Variants in HERC1 observed in about 807,000 individuals in gnomAD.
HERC1 encodes probable E3 ubiquitin-protein ligase HERC1.
HERC1 carries 160 observed loss-of-function variants against 554.3 expected under a neutral mutation model. That is an observed-to-expected ratio of 0.29 (90% confidence interval 0.25 to 0.33). The LOEUF (loss-of-function observed/expected upper bound fraction) is 0.33. HERC1 is among the 10% of genes least tolerant of loss of function. The probability of loss-of-function intolerance (pLI) is 1.00; values close to 1 mark genes in which losing one functional copy is unlikely to be tolerated. For missense variants in HERC1, 4,919 were observed against 5,918.5 expected (o/e 0.83, Z 5.54); for synonymous variants, 2,175 against 2,131.7 (o/e 1.02, Z -0.56).
Position 63,640,386 on chromosome 15 carries a change from G to A in HERC1, c.11667C>T (p.Ser3889=), listed in dbSNP as rs1009837145. 6.2e-7 allele frequency: 1 copy of A among 1,613,810 alleles called. No individual in the cohort carries two copies. The highest frequency in any genetic ancestry group is 1.3e-5 in the African/African-American group (1 of 75,008). The stretch of plus-strand genomic sequence containing the variant: ...GATCCAGATGAAGTCCCACAGCAAG[G>A]GAAGCCAAGCATTGCATATAGGGGC... The part of the protein sequence containing the change: ...VHSPYMQCLA[S]LAVGLHLDQL... The change falls in exon 61 of 78, where the codon TCC becomes TCT. Residue 3889 remains serine, a synonymous_variant. Coordinates refer to ENST00000443617, the MANE Select transcript of HERC1 (RefSeq NM_003922.4).
intron 12 of HERC1, among the ~76,000 whole-genome samples, chr15:63,744,164 G>GTGTGTGTCTCTCTCTCTC: frequency 4.3e-5 from 2 of 46,314 alleles, no homozygotes; most frequent in African/African-American, 6.7e-5. Flanking sequence ...GTGTGTGTGT[G>GTGTGTGTCTCTCTCTCTC]TCTCTCTCTC....
chr15:63,643,493 T>C lies in HERC1; in HGVS notation c.11242A>G (p.Thr3748Ala). The change falls in exon 58 of 78, where the codon ACT (threonine) becomes GCT (alanine). Residue 3748 changes from threonine to alanine, a missense_variant. Thr to Ala is a moderately conservative substitution (Grantham distance 58). This residue lies in a region of HERC1 where 1,963 missense variants were observed against 2,228.6 expected (regional missense o/e 0.88). Transcript: ENST00000443617. ...KCVYQLRGHI[T>A]PVRTVAFSSD... ...CTAAAGGCAACAGTCCGAACAGGAG[T>C]GATGTGTCCCCGCAGCTGATAAACA... 1 of 1,611,500 alleles carries C rather than the reference T, an allele frequency of 6.2e-7. No homozygotes were observed. The highest frequency in any genetic ancestry group is 1.1e-5 in the South Asian group (1 of 90,616).
Position 63,774,916 on chromosome 15 carries a change from A to G in HERC1, c.708T>C (p.Asn236=). Residue 236 remains asparagine, a synonymous_variant, in exon 2 of 78, where the codon AAT becomes AAC. Coordinates refer to ENST00000443617, the MANE Select transcript of HERC1 (RefSeq NM_003922.4). ...TTFLKGVTIP[N]SGADTLGRRL... ...TACGACCTAAAGTGTCTGCCCCAGA[A>G]TTAGGAATAGTGACTCCTTTAAGAA... is the stretch of plus-strand genomic sequence containing the variant. 1 of 1,614,060 alleles carries G rather than the reference A, an allele frequency of 6.2e-7. No homozygotes were observed. Among genetic ancestry groups the G allele is most frequent in the Non-Finnish European group, 8.5e-7 (1 of 1,179,886 alleles).
At chr15:63,729,835 C>A (rs970211559) in intron 14 of HERC1, among the ~76,000 whole-genome samples, 186 bp from the exon 15 acceptor site, 2 of 151,660 alleles carry the variant, frequency 1.3e-5, no homozygotes, top group Admixed American at 6.6e-5. Context: ...CCAGCCTGGC[C>A]AACATGGTGA....
rs1364746698 is a variant in HERC1, at chr15:63,612,034, A to C, written c.14400+217T>G. On this transcript the variant is annotated intron_variant, in intron 77 of 77. Coordinates refer to ENST00000443617, the MANE Select transcript of HERC1 (RefSeq NM_003922.4). The surrounding 1 kb of genome is among the most constrained non-coding windows in gnomAD (Gnocchi z 5.0). The stretch of plus-strand genomic sequence containing the variant: ...TCCCCGTCTCTACCAAAATATACAA[A>C]AAAATTAGCCAGGCGTGGTGGCACG... Among the ~76,000 whole-genome samples the C allele has an allele frequency of 6.6e-6, 1 of 152,110 alleles. No individual in the cohort carries two copies. Among genetic ancestry groups the C allele is most frequent in the African/African-American group, 2.4e-5 (1 of 41,420 alleles).
At chr15:63,651,808 C>A (rs2152891788) in intron 52 of HERC1, among the ~76,000 whole-genome samples, 1 of 152,252 alleles carries the variant, frequency 6.6e-6, no homozygotes, top group East Asian at 1.9e-4. Context: ...GAGGCTGGGG[C>A]AGGCAGATCA....
chr15:63,802,677 A>G (rs2077029918), intron 1 of HERC1, among the ~76,000 whole-genome samples: 1 of 152,244 alleles, frequency 6.6e-6, no homozygotes, highest in Admixed American at 6.5e-5. Context: ...CACCAATGAA[A>G]AGAAAGGTTA....
At chr15:63,725,788 A>G (rs937665321) in intron 17 of HERC1, among the ~76,000 whole-genome samples, 5 of 152,180 alleles carry the variant, frequency 3.3e-5, no homozygotes, top group African/African-American at 1.2e-4. Flanking sequence ...ATTCCAATCA[A>G]TTATATTCCT....
intron 73 of HERC1, 139 bp downstream of exon 73, chr15:63,623,586 A>T: frequency 1.3e-6 from 1 of 798,154 alleles, no homozygotes; most frequent in Non-Finnish European, 2.0e-6. Context: ...CGTATCACTA[A>T]CAGCATCACT....
intron 50 of HERC1, among the ~76,000 whole-genome samples, chr15:63,654,971 G>T (rs2069940188): frequency 6.6e-6 from 1 of 152,168 alleles, no homozygotes; most frequent in Non-Finnish European, 1.5e-5. Context: ...GGATGGAGAT[G>T]GCATGCCTTT....
chr15:63,718,794 A>G lies in HERC1; in HGVS notation c.3846T>C (p.Cys1282=). 1 of 1,613,130 alleles carries G rather than the reference A, an allele frequency of 6.2e-7. No homozygotes were observed. The highest frequency in any genetic ancestry group is 8.5e-7 in the Non-Finnish European group (1 of 1,179,186). The change falls in exon 20 of 78, where the codon TGT becomes TGC. Residue 1282 remains cysteine, a synonymous_variant. Transcript: ENST00000443617. This position sits in a 1 kb window ranked among gnomAD's most constrained non-coding sequence, Gnocchi z 4.2. ...TTTAAGTTACTTGCCGGCTTTCTCC[A>G]CATGCTTGACTAAGTAAATTTGTGT... ...LKHTNLLSQA[C]GESRYQPGKH...
chr15:63,656,878 A>T (rs576751708), intron 48 of HERC1, among the ~76,000 whole-genome samples: 1 of 152,218 alleles, frequency 6.6e-6, no homozygotes, highest in East Asian at 1.9e-4. Flanking sequence ...ATCTTGTAGC[A>T]TTGAGCAGTT....
In HERC1 at chr15:63,612,357, G is replaced by T; in HGVS notation, c.14294C>A (p.Ser4765Tyr). The change falls in exon 77 of 78, where the codon TCC (serine) becomes TAC (tyrosine). Residue 4765 changes from serine (S) to tyrosine (Y), a missense_variant. This residue lies in a region of HERC1 where 284 missense variants were observed against 294.1 expected (regional missense o/e 0.97). Transcript: ENST00000443617. This position sits in a 1 kb window ranked among gnomAD's most constrained non-coding sequence, Gnocchi z 5.0. ...CATGAAAAGCACCCGCTCCTCATTG[G>T]AGAACTCTTCCAGCGTGTGCCAGAA... ...QWFWHTLEEFSNEERVLFMRF... is the reference protein window; with the variant it reads ...QWFWHTLEEFYNEERVLFMRF... The T allele has an allele frequency of 6.2e-7, 1 of 1,614,020 alleles. No homozygotes were observed. The highest frequency in any genetic ancestry group is 8.5e-7 in the Non-Finnish European group (1 of 1,179,896).
At chr15:63,830,287 T>C (rs79292693) in intron 1 of HERC1, among the ~76,000 whole-genome samples, 4,699 of 152,302 alleles carry the variant, frequency 0.031, 235 homozygotes, top group African/African-American at 0.11. Context: ...ATATGATGCA[T>C]TGAGAAGGAC....
chr15:63,683,853 T>C (rs2071608170), intron 34 of HERC1, among the ~76,000 whole-genome samples: 1 of 152,182 alleles, frequency 6.6e-6, no homozygotes, highest in South Asian at 2.1e-4. Flanking sequence ...AGCTGCTGGC[T>C]TGGAATCCTG....
chr15:63,654,166 C>A lies in HERC1; in HGVS notation c.10243G>T (p.Asp3415Tyr). The change falls in exon 51 of 78, where the codon GAT (aspartate) becomes TAT (tyrosine). Residue 3415 changes from aspartate to tyrosine, a missense_variant. Physicochemically the swap from Asp to Tyr is radical, Grantham distance 160. This residue lies in a region of HERC1 where 1,963 missense variants were observed against 2,228.6 expected (regional missense o/e 0.88). Transcript: ENST00000443617. ...TLQTLADMGG[D>Y]LRKCSFIKLE... ...TTGATAAAGGAGCATTTTCTAAGAT[C>A]TCCTCCCATATCAGCAAGTGTCTGC... 2 of 1,614,042 alleles carry A rather than the reference C, an allele frequency of 1.2e-6. No homozygotes were observed. Among genetic ancestry groups the A allele is most frequent in the Non-Finnish European group, 1.7e-6 (2 of 1,179,884 alleles).
At chr15:63,620,538 C>T (rs1330997777) in intron 74 of HERC1, among the ~76,000 whole-genome samples, 1 of 152,092 alleles carries the variant, frequency 6.6e-6, no homozygotes, top group Non-Finnish European at 1.5e-5. Flanking sequence ...AGTTCAATTC[C>T]TGGATATCCT....
rs376234542 is a variant in HERC1 at position 63,729,267 on chromosome 15, A to C, written c.3123T>G (p.Pro1041=). 2 of 1,606,298 alleles carry C rather than the reference A, an allele frequency of 1.2e-6. No individual in the cohort carries two copies. The highest frequency in any genetic ancestry group is 2.7e-5 in the African/African-American group (2 of 74,474). The change falls in exon 16 of 78, where the codon CCT becomes CCG. Residue 1041 remains proline, a synonymous_variant. Coordinates refer to ENST00000443617, the MANE Select transcript of HERC1 (RefSeq NM_003922.4). ...ATTTTTCTCCAACACTGCCATTCCA[A>C]GGACTTTCTTTGAGCAAATTTGCAG... ...SRSANLLKES[P]WNGSVGEKLR... is the part of the protein sequence containing the mutation.
At chr15:63,706,672 T>C in intron 25 of HERC1, 108 bp downstream of exon 25, 1 of 584,054 alleles carries the variant, frequency 1.7e-6, no homozygotes, top group East Asian at 3.0e-5. Flanking sequence ...CATATCTAAA[T>C]ACATCAGATA....
Sources: allele counts gnomAD v4.1 joint callset (sites outside exome capture counted in the v4.1 genomes callset), GRCh38; gene constraint gnomAD v4.1.1; regional missense constraint gnomAD v4.1.1; non-coding constraint Gnocchi (gnomAD v3.1); transcripts MANE v1.5; gene names NCBI Gene and HGNC (gene_info 2026-07-23, HGNC 2026-07-21).